The following GPM6B variants were observed in gnomAD, a reference collection of about 807,000 sequenced individuals.
The protein encoded by GPM6B is neuronal membrane glycoprotein M6-b.
GPM6B carries 4 observed loss-of-function variants against 27.2 expected under a neutral mutation model. The ratio of observed to expected loss-of-function variants is 0.15; its 90% CI spans 0.07 to 0.34. The LOEUF (loss-of-function observed/expected upper bound fraction) is 0.34, where lower values mean the gene tolerates loss of function less well. GPM6B is among the 10% of genes least tolerant of loss of function. The pLI, the probability that GPM6B is intolerant of heterozygous loss-of-function variation, is 1.00. For synonymous variants in GPM6B, 124 were observed against 103.1 expected, an observed-to-expected ratio of 1.20 and a Z score of -1.23; for missense variants, 183 against 261.9, an observed-to-expected ratio of 0.70 and a Z score of 2.08.
At chrX:13,914,354 GA>G (rs1233195037) in intron 1 of GPM6B, among the ~76,000 whole-genome samples, 1 of 112,251 alleles carries the variant, frequency 8.9e-6, no homozygotes, top group Non-Finnish European at 1.9e-5. Context: ...ACATTTTCCA[GA>G]GTCTTTTGAA....
intron 2 of GPM6B, among the ~76,000 whole-genome samples, chrX:13,802,666 A>T (rs2048944920): frequency 9.0e-6 from 1 of 111,479 alleles, no homozygotes; most frequent in African/African-American, 3.3e-5. Context: ...AAAATGAAAG[A>T]ATTGATACAT....
intron 1 of GPM6B, among the ~76,000 whole-genome samples, chrX:13,928,955 C>T (rs930745818): frequency 8.9e-6 from 1 of 111,840 alleles, no homozygotes; most frequent in Admixed American, 9.5e-5. Flanking sequence ...CTATAGAAAA[C>T]GGATCTCTAA....
intron 1 of GPM6B, among the ~76,000 whole-genome samples, chrX:13,879,868 C>T (rs2050076420): frequency 8.9e-6 from 1 of 111,787 alleles, no homozygotes; most frequent in South Asian, 3.8e-4. Flanking sequence ...ATTTGCATTT[C>T]TAGCAAGTTC....
chrX:13,808,307 G>A (rs190768057), intron 1 of GPM6B, among the ~76,000 whole-genome samples: 3 of 111,993 alleles, frequency 2.7e-5, no homozygotes, highest in Non-Finnish European at 3.8e-5. Flanking sequence ...AACTCAGAAC[G>A]TCAGAGTCTA....
intron 1 of GPM6B, among the ~76,000 whole-genome samples, chrX:13,837,030 T>C (rs2049503746): frequency 8.9e-6 from 1 of 112,369 alleles, no homozygotes; most frequent in Non-Finnish European, 1.9e-5. Context: ...TGTTCAGAAA[T>C]GCTAGCTAAC....
At chrX:13,875,550 G>A (rs2050024613) in intron 1 of GPM6B, among the ~76,000 whole-genome samples, 1 of 111,803 alleles carries the variant, frequency 8.9e-6, no homozygotes, top group Non-Finnish European at 1.9e-5. Flanking sequence ...TTGAAAACAG[G>A]TGCTCAAACA....
At chrX:13,902,246 G>A (rs772961089) in intron 1 of GPM6B, among the ~76,000 whole-genome samples, 12 of 111,306 alleles carry the variant, frequency 1.1e-4, no homozygotes, top group African/African-American at 2.9e-4. Context: ...AAAGCAACTG[G>A]GAAACACTCC....
At chrX:13,809,257 G>A (rs1195335434) in intron 1 of GPM6B, among the ~76,000 whole-genome samples, 1 of 111,871 alleles carries the variant, frequency 8.9e-6, no homozygotes, top group African/African-American at 3.3e-5. Flanking sequence ...TTTCACTCAA[G>A]AGGGCACACT....
At chrX:13,846,332 C>A (rs773607672) in intron 1 of GPM6B, among the ~76,000 whole-genome samples, 92 of 110,897 alleles carry the variant, frequency 8.3e-4, no homozygotes, top group Admixed American at 2.5e-3. Context: ...CTCCTTGAAC[C>A]AAAAACCAGA....
chrX:13,932,452 T>G (rs1921621412), intron 1 of GPM6B, among the ~76,000 whole-genome samples: 1 of 112,559 alleles, frequency 8.9e-6, no homozygotes. Flanking sequence ...GTTGTTTATC[T>G]GCCTTTCAGA....
chrX:13,804,857 A>G (rs781588655), intron 2 of GPM6B, among the ~76,000 whole-genome samples: 4 of 110,138 alleles, frequency 3.6e-5, no homozygotes, highest in Non-Finnish European at 5.7e-5. Context: ...TTTGCCTCAT[A>G]CCATCTGGTT....
At chrX:13,880,887 C>G (rs1335803248) in intron 1 of GPM6B, among the ~76,000 whole-genome samples, 6 of 109,922 alleles carry the variant, frequency 5.5e-5, no homozygotes, top group African/African-American at 2.0e-4. Flanking sequence ...ATACGTTACA[C>G]CGGTTTCTCC....
chrX:13,925,060 T>G (rs1052075235), intron 1 of GPM6B, among the ~76,000 whole-genome samples: 1 of 111,967 alleles, frequency 8.9e-6, no homozygotes, highest in Non-Finnish European at 1.9e-5. Context: ...ATGGATTCTG[T>G]TCTCTTCCAG....
At chrX:13,773,207 G>A (rs1420337073) in intron 7 of GPM6B, 177 bp from the exon 8 acceptor site, 10 of 331,784 alleles carry the variant, frequency 3.0e-5, no homozygotes, top group East Asian at 2.6e-4. Context: ...AGTTGGCTTC[G>A]CATTAAAAGG....
intron 1 of GPM6B, among the ~76,000 whole-genome samples, chrX:13,875,788 G>A (rs753736130): frequency 8.0e-5 from 9 of 112,260 alleles, no homozygotes; most frequent in South Asian, 3.7e-4. Context: ...CACATGTTGT[G>A]TGATTCTATT....
At chrX:13,840,016 T>C (rs1053453266) in intron 1 of GPM6B, among the ~76,000 whole-genome samples, 6 of 111,500 alleles carry the variant, frequency 5.4e-5, no homozygotes, top group African/African-American at 2.0e-4. Context: ...CGCCCTGAAA[T>C]AGACCCACAG....
chrX:13,912,421 T>C (rs1231079647), intron 1 of GPM6B, among the ~76,000 whole-genome samples: 2 of 111,521 alleles, frequency 1.8e-5, no homozygotes, highest in African/African-American at 3.3e-5. Flanking sequence ...CTGCAGAAAC[T>C]TGCTTTAACA....
At chrX:13,931,401 T>C (rs2028063) in intron 1 of GPM6B, among the ~76,000 whole-genome samples, 13,124 of 107,238 alleles carry the variant, frequency 0.12, 870 homozygotes, top group East Asian at 0.36. Context: ...GGCGAGAGAA[T>C]GGCGTGAACC....
At chrX:13,920,784 G>A (rs1460124962) in intron 1 of GPM6B, among the ~76,000 whole-genome samples, 3 of 109,524 alleles carry the variant, frequency 2.7e-5, no homozygotes, top group East Asian at 5.7e-4. Context: ...CCAGCTACTC[G>A]GGAGGCTGAG....
Sources: allele counts gnomAD v4.1 joint callset (sites outside exome capture counted in the v4.1 genomes callset), GRCh38; gene constraint gnomAD v4.1.1; transcripts MANE v1.5; gene names NCBI Gene and HGNC (gene_info 2026-07-23, HGNC 2026-07-21).